Variants in PCDH9 observed in about 807,000 individuals in gnomAD.
The protein encoded by PCDH9 is protocadherin-9.
In PCDH9, 24 loss-of-function variants were observed where a neutral mutation model predicts 70.6. The observed-to-expected ratio is 0.34, with a 90% CI of 0.25 to 0.48. The LOEUF (loss-of-function observed/expected upper bound fraction) is 0.48, where lower values mean the gene tolerates loss of function less well. PCDH9 is among the 20% of genes least tolerant of loss of function. The pLI, the probability that PCDH9 is intolerant of heterozygous loss-of-function variation, is 0.99. For synonymous variants in PCDH9, 562 were observed against 558.5 expected (o/e 1.01, Z -0.09); for missense variants, 1,281 against 1,503.6 (o/e 0.85, Z 2.45).
intron 4 of PCDH9, among the ~76,000 whole-genome samples, chr13:66,599,346 C>T (rs1468746106): frequency 6.6e-6 from 1 of 151,444 alleles, no homozygotes; most frequent in Non-Finnish European, 1.5e-5. Flanking sequence ...TATTTAAAAT[C>T]CTGATTGAGA....
intron 2 of PCDH9, among the ~76,000 whole-genome samples, chr13:67,105,188 T>G (rs1403477901): frequency 6.6e-6 from 1 of 152,176 alleles, no homozygotes; most frequent in Non-Finnish European, 1.5e-5. Context: ...GATGTAAAAT[T>G]GCCTACACTT....
chr13:66,552,169 G>A (rs1209869692), intron 4 of PCDH9, among the ~76,000 whole-genome samples: 5 of 152,024 alleles, frequency 3.3e-5, no homozygotes, highest in Non-Finnish European at 5.9e-5. Flanking sequence ...CATAGTCTAT[G>A]GCAAAACAGT....
chr13:66,400,415 C>T (rs902228630), intron 4 of PCDH9, among the ~76,000 whole-genome samples: 2 of 152,140 alleles, frequency 1.3e-5, no homozygotes, highest in Non-Finnish European at 2.9e-5. Flanking sequence ...TATGTCATAT[C>T]TCTATAATAA....
chr13:66,372,736 A>G (rs1225596327), intron 4 of PCDH9, among the ~76,000 whole-genome samples: 1 of 151,874 alleles, frequency 6.6e-6, no homozygotes, highest in African/African-American at 2.4e-5. Context: ...AATTTCATCT[A>G]TAAGCATGAT....
At chr13:66,409,212 A>T (rs1957330895) in intron 4 of PCDH9, among the ~76,000 whole-genome samples, 1 of 152,206 alleles carries the variant, frequency 6.6e-6, no homozygotes, top group Non-Finnish European at 1.5e-5. Flanking sequence ...GAGAAAATAA[A>T]TTCAGGGCAT....
chr13:66,510,357 AT>A (rs1284483112), intron 4 of PCDH9, among the ~76,000 whole-genome samples: 1 of 151,590 alleles, frequency 6.6e-6, no homozygotes, highest in Non-Finnish European at 1.5e-5. Context: ...ATTTATATAT[AT>A]ATATACATAT....
intron 2 of PCDH9, among the ~76,000 whole-genome samples, chr13:67,005,641 A>T (rs2084335381): frequency 6.6e-6 from 1 of 152,218 alleles, no homozygotes; most frequent in South Asian, 2.1e-4. Context: ...TACTAAATTA[A>T]ACCATAATAA....
chr13:66,829,384 T>A (rs2080883360), intron 3 of PCDH9, among the ~76,000 whole-genome samples: 1 of 152,010 alleles, frequency 6.6e-6, no homozygotes, highest in African/African-American at 2.4e-5. Context: ...ACAAGAAATA[T>A]ATAGTTGGAA....
intron 3 of PCDH9, among the ~76,000 whole-genome samples, chr13:66,898,643 TGTGTC>T (rs1418191305): frequency 6.6e-6 from 1 of 151,870 alleles, no homozygotes; most frequent in East Asian, 1.9e-4. Context: ...AAAATAAAGG[TGTGTC>T]GTATAATATT....
chr13:66,995,598 C>A (rs1469577270), intron 2 of PCDH9, among the ~76,000 whole-genome samples: 3 of 152,128 alleles, frequency 2.0e-5, no homozygotes, highest in Non-Finnish European at 2.9e-5. Flanking sequence ...GTCAGTTCTA[C>A]CCTTTAATTT....
chr13:67,063,886 A>G lies in PCDH9; in HGVS notation c.3037-160281T>C, dbSNP rs547074063. On this transcript the variant is annotated intron_variant, in intron 2 of 4. Coordinates refer to ENST00000377865, the MANE Select transcript of PCDH9 (RefSeq NM_203487.3). ...TTGCAGAGTGATAGGTACTATGAGG[A>G]ATTGATATGATATTTATATAGTGTC... Among the ~76,000 whole-genome samples the G allele has an allele frequency of 4.6e-5, 7 of 152,328 alleles. No individual in the cohort carries two copies. In the East Asian group the frequency reaches 7.7e-4, roughly 17 times the overall value.
At chr13:66,385,913 G>T (rs539970773) in intron 4 of PCDH9, among the ~76,000 whole-genome samples, 20 of 151,940 alleles carry the variant, frequency 1.3e-4, no homozygotes, top group Non-Finnish European at 2.6e-4. Context: ...GCCTTCGGTG[G>T]ACAGGCATGT....
chr13:67,045,640 T>A (rs1280372641), intron 2 of PCDH9, among the ~76,000 whole-genome samples: 1 of 152,140 alleles, frequency 6.6e-6, no homozygotes, highest in Non-Finnish European at 1.5e-5. Context: ...AAACTCTGGA[T>A]TTTGAAATAT....
intron 3 of PCDH9, among the ~76,000 whole-genome samples, chr13:66,849,527 G>T (rs2081280257): frequency 6.8e-6 from 1 of 147,344 alleles, no homozygotes; most frequent in African/African-American, 2.5e-5. Flanking sequence ...TAGAGAGAGA[G>T]AGAGAGAGAG....
At chr13:66,533,821 T>A (rs1382905746) in intron 4 of PCDH9, among the ~76,000 whole-genome samples, 2 of 152,170 alleles carry the variant, frequency 1.3e-5, no homozygotes, top group Non-Finnish European at 2.9e-5. Context: ...ATCATCTAAC[T>A]GGCCTTCCAA....
At chr13:66,363,866 C>T (rs962039580) in intron 4 of PCDH9, among the ~76,000 whole-genome samples, 2 of 152,016 alleles carry the variant, frequency 1.3e-5, no homozygotes, top group African/African-American at 4.8e-5. Context: ...TTCTAAGAAA[C>T]AGTTTAGTCC....
chr13:66,904,861 T>C (rs536502343), intron 2 of PCDH9, among the ~76,000 whole-genome samples: 112 of 152,142 alleles, frequency 7.4e-4, no homozygotes, highest in African/African-American at 2.5e-3. Flanking sequence ...TTAAAATAAA[T>C]AGCTATGTGA....
At chr13:66,871,480 A>G (rs2081684824) in intron 3 of PCDH9, among the ~76,000 whole-genome samples, 1 of 152,112 alleles carries the variant, frequency 6.6e-6, no homozygotes, top group African/African-American at 2.4e-5. Flanking sequence ...ATTCCTCTTC[A>G]CACAGAGGAG....
At chr13:66,747,418 G>A (rs2079387463) in intron 3 of PCDH9, among the ~76,000 whole-genome samples, 1 of 151,906 alleles carries the variant, frequency 6.6e-6, no homozygotes, top group Non-Finnish European at 1.5e-5. Context: ...TATATGGCAT[G>A]ACCAAAACTC....
Sources: allele counts gnomAD v4.1 joint callset (sites outside exome capture counted in the v4.1 genomes callset), GRCh38; gene constraint gnomAD v4.1.1; transcripts MANE v1.5; gene names NCBI Gene and HGNC (gene_info 2026-07-23, HGNC 2026-07-21).